The following PIK3C2A variants were observed in gnomAD, a reference collection of about 807,000 sequenced individuals.
PIK3C2A encodes the protein phosphatidylinositol 4-phosphate 3-kinase C2 domain-containing subunit alpha.
In PIK3C2A, 97 loss-of-function variants were observed where a neutral mutation model predicts 204.5. The ratio of observed to expected loss-of-function variants is 0.47; its 90% confidence interval spans 0.40 to 0.56. The LOEUF (loss-of-function observed/expected upper bound fraction) is 0.56. PIK3C2A is among the 20% of genes least tolerant of loss of function. The pLI is 0.00. For synonymous variants in PIK3C2A, 653 were observed against 664.4 expected (o/e 0.98, Z 0.26); for missense variants, 1,735 against 1,969.2 (o/e 0.88, Z 2.25).
intron 2 of PIK3C2A, among the ~76,000 whole-genome samples, chr11:17,165,782 G>GAAAAAAAAA (rs35384397): frequency 1.3e-5 from 1 of 78,854 alleles, no homozygotes; most frequent in Non-Finnish European, 2.3e-5. Context: ...TCAAAAAAGT[G>GAAAAAAAAA]AAAAAAAAAA....
chr11:17,133,876 C>T (rs1304518876), intron 11 of PIK3C2A, among the ~76,000 whole-genome samples: 5 of 151,396 alleles, frequency 3.3e-5, no homozygotes, highest in South Asian at 2.1e-4. Context: ...TGCAGTGAGC[C>T]GAGATCACGC....
At position 17,178,713 on chromosome 11, in the gene PIK3C2A, A is replaced by ATTTTTTTTTTT. The variant is rs569882194; in HGVS notation, c.-65-8918_-65-8908dup. ...GCCACCACACCTGGTTGATTTTTGAATTTTTTTTTTTTTTTTTTTTTTTTT... is the reference window on the plus strand; with the variant it reads ...GCCACCACACCTGGTTGATTTTTGAATTTTTTTTTTTTTTTTTTTTTTTTTTTTTTTTTTTT... On this transcript the variant is annotated intron_variant, in intron 1 of 32. Transcript: ENST00000691414. Among the ~76,000 whole-genome samples, 2 of 9,826 alleles carry ATTTTTTTTTTT rather than the reference A, an allele frequency of 2.0e-4. 1 individual carries two copies. Among genetic ancestry groups the ATTTTTTTTTTT allele is most frequent in the Non-Finnish European group, 3.5e-4 (2 of 5,706 alleles). The allele number at this position is 9,826 out of a possible 152,430, so 6.4% of individuals were successfully genotyped here.
Position 17,147,503 on chromosome 11 carries a change from A to C in PIK3C2A, c.1560+14T>G. 7.6e-7 allele frequency: 1 copy of C among 1,321,606 alleles called. No individual in the cohort carries two copies. Among genetic ancestry groups the C allele is most frequent in the Non-Finnish European group, 1.1e-6 (1 of 919,834 alleles). The allele number at this position is 1,321,606 out of a possible 1,614,324, so 81.9% of individuals were successfully genotyped here. On this transcript the variant is annotated intron_variant, in intron 6 of 32. Transcript: ENST00000691414. Reference sequence around the variant, plus strand: ...TTCAAACAAATGGAATTCAGTTATGAGGTACACACTTACTGTTCGGGCCAG... The same window carrying C: ...TTCAAACAAATGGAATTCAGTTATGCGGTACACACTTACTGTTCGGGCCAG...
intron 11 of PIK3C2A, among the ~76,000 whole-genome samples, chr11:17,134,279 C>T (rs1272673886): frequency 6.6e-6 from 1 of 151,934 alleles, no homozygotes; most frequent in African/African-American, 2.4e-5. Flanking sequence ...TGATATAGCT[C>T]ACTGCAGTCT....
chr11:17,115,054 C>T (rs561467998), intron 19 of PIK3C2A, among the ~76,000 whole-genome samples: 136 of 152,142 alleles, frequency 8.9e-4, no homozygotes, highest in Admixed American at 2.2e-3. Context: ...TGTAATATTT[C>T]CCCAAATTAA....
intron 1 of PIK3C2A, among the ~76,000 whole-genome samples, chr11:17,177,595 T>C (rs1236851673): frequency 6.6e-6 from 1 of 152,168 alleles, no homozygotes; most frequent in Non-Finnish European, 1.5e-5. Context: ...TAAAAGTTGT[T>C]CCATCTCTGT....
intron 22 of PIK3C2A, among the ~76,000 whole-genome samples, chr11:17,106,065 C>G (rs535365715): frequency 6.6e-6 from 1 of 150,780 alleles, no homozygotes; most frequent in Non-Finnish European, 1.5e-5. Flanking sequence ...GCCAAGATAG[C>G]ACTACTGCAC....
chr11:17,115,289 T>C (rs1026235102), intron 19 of PIK3C2A, among the ~76,000 whole-genome samples: 3 of 151,288 alleles, frequency 2.0e-5, no homozygotes, highest in Non-Finnish European at 4.4e-5. Context: ...TCCTAGGACT[T>C]TGGGAGGCCA....
At chr11:17,134,059 A>C (rs1209252999) in intron 11 of PIK3C2A, among the ~76,000 whole-genome samples, 2 of 152,136 alleles carry the variant, frequency 1.3e-5, no homozygotes, top group Admixed American at 1.3e-4. Context: ...GTAAAGAGTT[A>C]CATTTTTTTT....
chr11:17,200,424 A>G (rs541669990), intron 1 of PIK3C2A, among the ~76,000 whole-genome samples: 14 of 145,608 alleles, frequency 9.6e-5, no homozygotes, highest in Non-Finnish European at 2.2e-4. Flanking sequence ...TTTCTAAAAA[A>G]GTTTATTAAT....
chr11:17,149,456 G>C (rs1030538744), intron 4 of PIK3C2A, among the ~76,000 whole-genome samples: 1 of 152,156 alleles, frequency 6.6e-6, no homozygotes, highest in African/African-American at 2.4e-5. Flanking sequence ...TTTGGTATCT[G>C]AAGGGGGTCC....
At chr11:17,177,429 G>A (rs1851372867) in intron 1 of PIK3C2A, among the ~76,000 whole-genome samples, 1 of 152,054 alleles carries the variant, frequency 6.6e-6, no homozygotes, top group African/African-American at 2.4e-5. Context: ...TCAAAGAGAA[G>A]CTCAAATTCT....
Position 17,110,394 on chromosome 11 carries a change from A to G in PIK3C2A, c.3544+38T>C, listed in dbSNP as rs1462746935. The G allele has an allele frequency of 6.4e-6, 10 of 1,550,970 alleles. No homozygotes were observed. The East Asian group carries it at 2.1e-4, about 32-fold the overall frequency. On this transcript the variant is annotated intron_variant, in intron 22 of 32. Transcript: ENST00000691414. ...GGTACACTTTAAGCTAAGTTCAAGG[A>G]AAAAAATAAGACATCAAGACACAGC...
In PIK3C2A at chr11:17,119,819, T is replaced by TA; in HGVS notation, c.2812dup (p.Tyr938LeufsTer10). On this transcript the variant is annotated frameshift_variant, in exon 16 of 33. Transcript: ENST00000691414. LOFTEE classifies it high-confidence loss of function. ...AAGAAGTTCCAATGCAATTAGTGGGTACAATGCAGGCCACTGGTGAAGCAA... is the reference window on the plus strand; with the variant it reads ...AAGAAGTTCCAATGCAATTAGTGGGTAACAATGCAGGCCACTGGTGAAGCAA... The TA allele has an allele frequency of 1.3e-6, 2 of 1,595,558 alleles. No homozygotes were observed. Among genetic ancestry groups the TA allele is most frequent in the African/African-American group, 2.7e-5 (2 of 73,896 alleles).
chr11:17,197,709 T>C (rs770128805), intron 1 of PIK3C2A, among the ~76,000 whole-genome samples: 1 of 152,232 alleles, frequency 6.6e-6, no homozygotes, highest in Non-Finnish European at 1.5e-5. Context: ...TTTGTGGAGA[T>C]AATTACTGAA....
In PIK3C2A at chr11:17,090,215, T is replaced by C. The variant is rs376506229; in HGVS notation, c.4879-295A>G. ...CAGGCATGGTGGCTCACGCCTGTAA[T>C]CCCAGCACTTTGGGAGGCTGAGGCG... On this transcript the variant is annotated intron_variant, in intron 32 of 32. Coordinates refer to ENST00000691414, the MANE Select transcript of PIK3C2A (RefSeq NM_002645.4). 5.3e-5 allele frequency among the ~76,000 whole-genome samples: 8 copies of C among 152,346 alleles called. No individual in the cohort carries two copies. The East Asian group carries it at 1.5e-3, about 29-fold the overall frequency.
chr11:17,137,890 T>C (rs1220203172), intron 8 of PIK3C2A: 2 of 380,606 alleles, frequency 5.3e-6, no homozygotes, highest in Non-Finnish European at 4.9e-6. Flanking sequence ...CCAAGAGCAT[T>C]AGGAAGACAC....
At chr11:17,101,541 T>C (rs1185878054) in intron 24 of PIK3C2A, 107 bp from the exon 25 acceptor site, 2 of 472,446 alleles carry the variant, frequency 4.2e-6, no homozygotes, top group Non-Finnish European at 7.3e-6. Context: ...CATTTCCAAC[T>C]AGGAAACTTA....
At chr11:17,134,620 CA>C (rs1186007533) in intron 11 of PIK3C2A, among the ~76,000 whole-genome samples, 198 bp downstream of exon 11, 1 of 152,182 alleles carries the variant, frequency 6.6e-6, no homozygotes, top group East Asian at 1.9e-4. Context: ...TTCAGCCTCC[CA>C]AAGTGCTGGG....
Sources: gnomAD v4.1 joint callset for allele counts (sites outside exome capture counted in the v4.1 genomes callset) on GRCh38, gnomAD v4.1.1 for gene constraint, MANE v1.5 for transcripts, NCBI Gene and HGNC (gene_info 2026-07-23, HGNC 2026-07-21) for gene names.